Variants in NKAIN3 observed in about 807,000 individuals in gnomAD.
The protein encoded by NKAIN3 is sodium/potassium transporting ATPase interacting 3.
NKAIN3 carries 25 observed loss-of-function variants against 30.2 expected under a neutral mutation model. That is an observed-to-expected ratio of 0.83 (90% CI 0.60 to 1.16). The LOEUF is 1.16. Among genes scored for constraint, NKAIN3 ranks in the 50% most tolerant of loss-of-function variants. The probability of loss-of-function intolerance (pLI) is 0.00; values close to 1 mark genes in which losing one functional copy is unlikely to be tolerated. For missense variants in NKAIN3, 225 were observed against 254.1 expected, an observed-to-expected ratio of 0.89 and a Z score of 0.78; for synonymous variants, 91 against 89.6, an observed-to-expected ratio of 1.02 and a Z score of -0.09.
chr8:62,798,700 T>G (rs569296619), intron 4 of NKAIN3, among the ~76,000 whole-genome samples: 21 of 152,242 alleles, frequency 1.4e-4, no homozygotes, highest in Non-Finnish European at 2.5e-4. Flanking sequence ...CTCAGACTTC[T>G]GGCTTGCAGA....
At chr8:62,581,643 A>C (rs979591928) in intron 2 of NKAIN3, among the ~76,000 whole-genome samples, 1 of 152,152 alleles carries the variant, frequency 6.6e-6, no homozygotes, top group Admixed American at 6.5e-5. Context: ...CCTTAGCTGG[A>C]TAAGATCTAA....
At chr8:62,841,259 C>T (rs4351410) in intron 4 of NKAIN3, among the ~76,000 whole-genome samples, 91,723 of 151,878 alleles carry the variant, frequency 0.6, 28,507 homozygotes, top group Non-Finnish European at 0.7. Flanking sequence ...GTATATAATA[C>T]GGAGTTATTA....
chr8:62,366,922 G>A (rs10107474), intron 1 of NKAIN3, among the ~76,000 whole-genome samples: 55,966 of 152,104 alleles, frequency 0.37, 11,080 homozygotes, highest in African/African-American at 0.51. Context: ...GATATTTTTT[G>A]ATTTTTCTTT....
At position 62,713,133 on chromosome 8, in the gene NKAIN3, T is replaced by C. The variant is rs538875537; in HGVS notation, c.274-33799T>C. ...CTTCCTTCAGAGGGTCTATGGGTCC[T>C]TTTGGGATTGCTTGCACCTGAGGTC... is the stretch of plus-strand genomic sequence containing the variant. On this transcript the variant is annotated intron_variant, in intron 3 of 6. Transcript: ENST00000623646. Among the ~76,000 whole-genome samples the C allele has an allele frequency of 1.1e-4, 16 of 152,290 alleles. No individual in the cohort carries two copies. The South Asian group carries it at 3.3e-3, about 32-fold the overall frequency.
intron 1 of NKAIN3, among the ~76,000 whole-genome samples, chr8:62,296,059 A>C (rs1007750057): frequency 6.6e-6 from 1 of 152,234 alleles, no homozygotes; most frequent in Non-Finnish European, 1.5e-5. Flanking sequence ...GCTGGCTTTG[A>C]CTACAGCAAA....
intron 1 of NKAIN3, among the ~76,000 whole-genome samples, chr8:62,278,383 T>A (rs1431932581): frequency 4.3e-5 from 1 of 23,400 alleles, no homozygotes; most frequent in Non-Finnish European, 1.1e-4. Context: ...CTACTGCTGG[T>A]TTTTTTTTTT....
intron 3 of NKAIN3, among the ~76,000 whole-genome samples, chr8:62,716,775 G>C (rs1586122813): frequency 6.6e-6 from 1 of 151,444 alleles, no homozygotes; most frequent in Non-Finnish European, 1.5e-5. Flanking sequence ...AAAACTTAGA[G>C]AATAACAGCT....
At chr8:62,959,987 C>T (rs969645642) in intron 6 of NKAIN3, among the ~76,000 whole-genome samples, 18 of 152,166 alleles carry the variant, frequency 1.2e-4, no homozygotes, top group African/African-American at 4.3e-4. Context: ...GGACCTCTTT[C>T]CCTTTGTCAC....
At chr8:62,284,358 G>A (rs535073778) in intron 1 of NKAIN3, among the ~76,000 whole-genome samples, 166 of 152,182 alleles carry the variant, frequency 1.1e-3, no homozygotes, top group Non-Finnish European at 2.0e-3. Context: ...ACCCAGGCGC[G>A]GTGGCTTACG....
At chr8:62,863,665 T>G in intron 4 of NKAIN3, 1 of 1,376,722 alleles carries the variant, frequency 7.3e-7, no homozygotes, top group South Asian at 1.2e-5. Flanking sequence ...CTCGAACACA[T>G]TTGAGCAATT....
chr8:62,449,095 A>G (rs1249221137), intron 1 of NKAIN3, among the ~76,000 whole-genome samples: 2 of 152,032 alleles, frequency 1.3e-5, no homozygotes, highest in Admixed American at 1.3e-4. Context: ...TTTAAAATGC[A>G]CCAGAAATCT....
At chr8:62,876,357 T>A (rs1449200373) in intron 4 of NKAIN3, among the ~76,000 whole-genome samples, 1 of 152,178 alleles carries the variant, frequency 6.6e-6, no homozygotes, top group Non-Finnish European at 1.5e-5. Flanking sequence ...GCTTTTACCC[T>A]CTTGGTGTGA....
intron 1 of NKAIN3, among the ~76,000 whole-genome samples, chr8:62,432,198 C>A (rs906665598): frequency 2.0e-5 from 3 of 152,028 alleles, no homozygotes; most frequent in African/African-American, 7.2e-5. Flanking sequence ...AAAATAGAAT[C>A]ATTATGATGA....
At chr8:62,289,261 TC>T (rs1273705026) in intron 1 of NKAIN3, among the ~76,000 whole-genome samples, 1 of 152,248 alleles carries the variant, frequency 6.6e-6, no homozygotes, top group Non-Finnish European at 1.5e-5. Flanking sequence ...ATCCCATTTG[TC>T]AATTTTGGCT....
chr8:62,458,512 G>C (rs1040489204), intron 1 of NKAIN3, among the ~76,000 whole-genome samples: 2 of 152,180 alleles, frequency 1.3e-5, no homozygotes, highest in Admixed American at 6.5e-5. Context: ...ACCAGACCTT[G>C]AGTCATCTGT....
At chr8:62,802,088 G>A (rs1818085121) in intron 4 of NKAIN3, among the ~76,000 whole-genome samples, 1 of 152,090 alleles carries the variant, frequency 6.6e-6, no homozygotes, top group South Asian at 2.1e-4. Context: ...AAAAGGAAAT[G>A]AACAAAGCCT....
chr8:62,610,589 A>C (rs779798027), intron 3 of NKAIN3, among the ~76,000 whole-genome samples: 4 of 152,148 alleles, frequency 2.6e-5, no homozygotes, highest in Non-Finnish European at 4.4e-5. Context: ...TAATTACATC[A>C]GAGAAAACTG....
intron 3 of NKAIN3, among the ~76,000 whole-genome samples, chr8:62,713,725 G>T (rs892491240): frequency 3.3e-5 from 5 of 151,996 alleles, no homozygotes. Context: ...CATTTCTATG[G>T]TTTATGTGTC....
In NKAIN3 at chr8:62,677,447, T is replaced by C. The variant is rs1411312454; in HGVS notation, c.274-69485T>C. ...CACTACTTTCTTCCACAGAGGGCAA[T>C]TCTTGGAAAAGGACCCCATTGAGAG... On this transcript the variant is annotated intron_variant, in intron 3 of 6. Transcript: ENST00000623646. Among the ~76,000 whole-genome samples the C allele has an allele frequency of 2.6e-5, 4 of 152,294 alleles. 1 individual carries two copies. The South Asian group carries it at 8.3e-4, about 32-fold the overall frequency.
Sources: allele counts gnomAD v4.1 joint callset (sites outside exome capture counted in the v4.1 genomes callset), GRCh38; gene constraint gnomAD v4.1.1; transcripts MANE v1.5; gene names NCBI Gene and HGNC (gene_info 2026-07-23, HGNC 2026-07-21).